The following PDE4C variants were observed in gnomAD, a reference collection of about 807,000 sequenced individuals.
The protein encoded by PDE4C is phosphodiesterase 4C.
Under a neutral mutation model 63.9 loss-of-function variants are expected in PDE4C, and 50 were observed. The observed-to-expected ratio is 0.78, with a 90% confidence interval of 0.62 to 0.99. PDE4C has a LOEUF of 0.99. Ranked by LOEUF, PDE4C falls within the 50% of genes least tolerant of loss-of-function variation. The probability of loss-of-function intolerance (pLI) is 0.00; values close to 1 mark genes in which losing one functional copy is unlikely to be tolerated. For synonymous variants in PDE4C, 377 were observed against 385.1 expected, an observed-to-expected ratio of 0.98 and a Z score of 0.25; for missense variants, 777 against 899.1, an observed-to-expected ratio of 0.86 and a Z score of 1.74.
At chr19:18,248,806 C>T (rs925126439), upstream of PDE4C, among the ~76,000 whole-genome samples, 10 of 141,836 alleles carry the variant, frequency 7.1e-5, no homozygotes. Context: ...GGGTGGATCA[C>T]GAGATCAGGA....
chr19:18,218,495 G>A (rs967694325), exon 10 of PDE4C: 5 of 1,614,042 alleles, frequency 3.1e-6, no homozygotes, highest in Non-Finnish European at 4.2e-6. Flanking sequence ...AGCAGGTCCC[G>A]CTCCTGGTCC....
exon 15 of PDE4C, chr19:18,211,032 G>C: frequency 1.2e-6 from 2 of 1,614,238 alleles, no homozygotes; most frequent in Non-Finnish European, 1.7e-6. Context: ...GGCTAAAGCT[G>C]TCTCTTCCCC....
upstream of PDE4C, among the ~76,000 whole-genome samples, chr19:18,236,320 A>G (rs1346701675): frequency 1.3e-5 from 2 of 150,600 alleles, no homozygotes; most frequent in African/African-American, 4.9e-5. Context: ...GCTCACTGCA[A>G]CCTCCACCTC....
Position 18,233,062 on chromosome 19 carries a change from G to A in PDE4C, c.130C>T (p.Gln44Ter), listed in dbSNP as rs1238240124. ...TTGTCCGGATCCGAATAGAAGCGCT[G>A]TTGGATGCGGATGGGGCGCCGGGGT... Residue 44 changes from glutamine to a stop codon, truncating the protein, a stop_gained, in exon 1 of 15, where the codon CAG becomes TAG. Transcript: ENST00000594465. LOFTEE classifies it high-confidence loss of function. 6.4e-7 allele frequency: 1 copy of A among 1,570,326 alleles called. No homozygotes were observed. Among genetic ancestry groups the A allele is most frequent in the Admixed American group, 1.9e-5 (1 of 53,524 alleles).
intron 1 of PDE4C, among the ~76,000 whole-genome samples, chr19:18,232,237 C>A (rs1214742315): frequency 6.6e-6 from 1 of 151,988 alleles, no homozygotes; most frequent in African/African-American, 2.4e-5. Context: ...TTGTGATATG[C>A]CCCTGTAGTC....
upstream of PDE4C, chr19:18,248,210 G>C (rs1326605554): frequency 6.6e-6 from 3 of 456,216 alleles, no homozygotes; most frequent in African/African-American, 6.0e-5. Context: ...TGACCTGCTG[G>C]CTAGTGAGGG....
At chr19:18,238,916 G>A (rs959628112) in intron 1 of PDE4C, among the ~76,000 whole-genome samples, 15 of 152,022 alleles carry the variant, frequency 9.9e-5, no homozygotes, top group South Asian at 8.3e-4. Flanking sequence ...ACTTGAACCC[G>A]GGAGGCGGAG....
upstream of PDE4C, among the ~76,000 whole-genome samples, chr19:18,227,316 C>T (rs1968759962): frequency 6.6e-6 from 1 of 152,132 alleles, no homozygotes; most frequent in African/African-American, 2.4e-5. Context: ...GGCCCCCTCT[C>T]CCAGCACCCC....
intron 1 of PDE4C, among the ~76,000 whole-genome samples, chr19:18,244,145 A>G (rs1054675190): frequency 6.6e-6 from 1 of 152,096 alleles, no homozygotes; most frequent in Non-Finnish European, 1.5e-5. Context: ...TGCTAGGATT[A>G]CAGGCATGAA....
chr19:18,246,872 A>T (rs1482529290), intron 1 of PDE4C, among the ~76,000 whole-genome samples: 1 of 152,188 alleles, frequency 6.6e-6, no homozygotes, highest in Admixed American at 6.5e-5. Flanking sequence ...GATGGCAGAG[A>T]GCAAAAATCA....
At chr19:18,224,955 A>G (rs1175509095) in intron 1 of PDE4C, among the ~76,000 whole-genome samples, 2 of 152,196 alleles carry the variant, frequency 1.3e-5, no homozygotes, top group South Asian at 4.1e-4. Context: ...GCTCTCCCCA[A>G]GGGTTCCAGA....
At position 18,220,517 on chromosome 19, in the gene PDE4C, T is replaced by G; in HGVS notation, c.500-2A>C. 1.2e-6 allele frequency: 2 copies of G among 1,608,680 alleles called. No homozygotes were observed. The highest frequency in any genetic ancestry group is 1.7e-6 in the Non-Finnish European group (2 of 1,177,604). On this transcript the variant is annotated splice_acceptor_variant, in intron 5 of 14. Transcript: ENST00000262805. LOFTEE classifies it high-confidence loss of function. The surrounding 1 kb of genome is among the most constrained non-coding windows in gnomAD (Gnocchi z 5.1). ...ATGCCAGCTTCTGCCCCGTGTCCTC[T>G]GGGAGCCGAGGCAGTCAGGGGCCTG... is the stretch of plus-strand genomic sequence containing the variant.
chr19:18,252,025 G>A (rs1394918470), upstream of PDE4C: 1 of 398,608 alleles, frequency 2.5e-6, no homozygotes, highest in Non-Finnish European at 4.4e-6. Flanking sequence ...TGTTACACCC[G>A]CCACCTCCCT....
At chr19:18,212,473 CTTT>C (rs368839228) in intron 13 of PDE4C, among the ~76,000 whole-genome samples, 2 of 131,974 alleles carry the variant, frequency 1.5e-5, no homozygotes, top group Admixed American at 7.7e-5. Context: ...CTGAGCCCAG[CTTT>C]TTTTTTTTTT....
intron 11 of PDE4C, 96 bp downstream of exon 11, chr19:18,218,053 G>T: frequency 2.2e-6 from 2 of 897,678 alleles, no homozygotes; most frequent in Non-Finnish European, 3.6e-6. Flanking sequence ...GGGAGACTGG[G>T]CTCAGGGCAG....
chr19:18,230,034 T>C (rs996871496), upstream of PDE4C, among the ~76,000 whole-genome samples: 7 of 152,060 alleles, frequency 4.6e-5, no homozygotes, highest in Admixed American at 4.6e-4. Context: ...TAGAGTCACC[T>C]CCTCCGAGAA....
intron 1 of PDE4C, among the ~76,000 whole-genome samples, chr19:18,243,160 T>C (rs1306485673): frequency 3.3e-5 from 5 of 152,090 alleles, no homozygotes; most frequent in Non-Finnish European, 4.4e-5. Flanking sequence ...CAGGCTGTAG[T>C]GTAATGGCAC....
At chr19:18,227,065 G>A (rs1968754516), upstream of PDE4C, among the ~76,000 whole-genome samples, 1 of 150,994 alleles carries the variant, frequency 6.6e-6, no homozygotes, top group South Asian at 2.1e-4. Flanking sequence ...AGAAACAGCT[G>A]TCTTGCCTTC....
At chr19:18,210,513 C>CT (rs1967874554), downstream of PDE4C, 1 of 156,382 alleles carries the variant, frequency 6.4e-6, no homozygotes, top group African/African-American at 2.4e-5. Context: ...TTGTGCAGGG[C>CT]TACTACAGAG....
Sources: gnomAD v4.1 joint callset for allele counts (sites outside exome capture counted in the v4.1 genomes callset) on GRCh38, gnomAD v4.1.1 for gene constraint, Gnocchi (gnomAD v3.1) non-coding constraint, MANE v1.5 for transcripts, NCBI Gene and HGNC (gene_info 2026-07-23, HGNC 2026-07-21) for gene names.